Variants in SLC26A11 observed in about 807,000 individuals in gnomAD.
The protein encoded by SLC26A11 is solute carrier family 26 member 11, also known as sodium-independent sulfate anion transporter.
Under a neutral mutation model 62.2 loss-of-function variants are expected in SLC26A11, and 58 were observed. The ratio of observed to expected loss-of-function variants is 0.93; its 90% CI spans 0.76 to 1.16. SLC26A11 has a LOEUF of 1.16. SLC26A11 is among the 50% of genes most tolerant of loss of function. The pLI is 0.00. For missense variants in SLC26A11, 790 were observed against 794.3 expected, an observed-to-expected ratio of 0.99 and a Z score of 0.06; for synonymous variants, 411 against 368.9, an observed-to-expected ratio of 1.11 and a Z score of -1.31.
chr17:80,233,921 C>T (rs943951551), intron 7 of SLC26A11, among the ~76,000 whole-genome samples: 2 of 151,940 alleles, frequency 1.3e-5, no homozygotes, highest in South Asian at 2.1e-4. Flanking sequence ...GTCTATTTTG[C>T]CTTCATTTTT....
intron 7 of SLC26A11, among the ~76,000 whole-genome samples, chr17:80,232,918 CAGTAT>C (rs1325646634): frequency 6.6e-6 from 1 of 152,090 alleles, no homozygotes; most frequent in Non-Finnish European, 1.5e-5. Context: ...TATCTTGCTA[CAGTAT>C]ACATTAAACT....
At chr17:80,241,898 G>A in intron 10 of SLC26A11, 77 bp downstream of exon 10, 3 of 1,472,012 alleles carry the variant, frequency 2.0e-6, no homozygotes, top group Non-Finnish European at 2.9e-6. Flanking sequence ...TGTGTCTCCT[G>A]CATTGTAGGA....
chr17:80,223,482 C>T lies in SLC26A11; in HGVS notation c.513+145C>T. 1 of 739,212 alleles carries T rather than the reference C, an allele frequency of 1.4e-6. No individual in the cohort carries two copies. Among genetic ancestry groups the T allele is most frequent in the East Asian group, 2.7e-5 (1 of 36,740 alleles). The allele number at this position is 739,212 out of a possible 1,614,324, so 45.8% of individuals were successfully genotyped here. A position where few individuals can be genotyped will look rare whatever the true frequency, so the allele number is the denominator to read the frequency against. On this transcript the variant is annotated intron_variant, in intron 5 of 17. Coordinates refer to ENST00000361193, the MANE Select transcript of SLC26A11 (RefSeq NM_001166347.2). This position sits in a 1 kb window ranked among gnomAD's most constrained non-coding sequence, Gnocchi z 4.6. ...AGATTGTCTTCCATGGGTCAAGAAG[C>T]ACGCGGTGCTCTCATGGGTCCCCTG...
chr17:80,248,406 A>C, intron 14 of SLC26A11, 149 bp downstream of exon 14: 1 of 1,321,484 alleles, frequency 7.6e-7, no homozygotes, highest in Non-Finnish European at 1.0e-6. Flanking sequence ...CTTGCTATAA[A>C]CCATGGTGTT....
At chr17:80,247,542 C>T (rs2043040494) in intron 13 of SLC26A11, among the ~76,000 whole-genome samples, 1 of 152,202 alleles carries the variant, frequency 6.6e-6, no homozygotes, top group Admixed American at 6.5e-5. Context: ...TCTGGTTAGC[C>T]CCAGCAAGTT....
At chr17:80,247,788 C>G (rs1435914422) in intron 13 of SLC26A11, among the ~76,000 whole-genome samples, 1 of 152,200 alleles carries the variant, frequency 6.6e-6, no homozygotes, top group Non-Finnish European at 1.5e-5. Context: ...AGGGCACCTT[C>G]TCCTTGGCCA....
chr17:80,245,576 C>T (rs965438742), intron 11 of SLC26A11, among the ~76,000 whole-genome samples: 2 of 152,154 alleles, frequency 1.3e-5, no homozygotes, highest in African/African-American at 4.8e-5. Flanking sequence ...GTGACCGCAC[C>T]GCTGCACTCC....
intron 9 of SLC26A11, among the ~76,000 whole-genome samples, chr17:80,241,094 G>C (rs2042847664): frequency 6.6e-6 from 1 of 152,204 alleles, no homozygotes; most frequent in African/African-American, 2.4e-5. Context: ...GGCAGAACAA[G>C]ATCCTGTACT....
intron 14 of SLC26A11, 105 bp from the exon 15 acceptor site, chr17:80,248,470 C>T: frequency 7.5e-7 from 1 of 1,326,574 alleles, no homozygotes; most frequent in Middle Eastern, 2.5e-4. Flanking sequence ...TCTCCCGGTC[C>T]CCTGCAGCAC....
rs778554491 is a variant in SLC26A11 at position 80,222,774 on chromosome 17, T to C, written c.354T>C (p.His118=). The C allele has an allele frequency of 6.2e-7, 1 of 1,613,834 alleles. No homozygotes were observed. Among genetic ancestry groups the C allele is most frequent in the Admixed American group, 1.7e-5 (1 of 60,020 alleles). ...TCCTGGTCTCCTTCTACACCTTCCATGAGCCCGCCTACGCTGTGCTGCTGG... is the reference window on the plus strand; with the variant it reads ...TCCTGGTCTCCTTCTACACCTTCCACGAGCCCGCCTACGCTGTGCTGCTGG... ...MSLLVSFYTF[H]EPAYAVLLAF... is the part of the protein sequence containing the mutation. Residue 118 remains histidine, a synonymous_variant, in exon 4 of 18, where the codon CAT becomes CAC. Coordinates refer to ENST00000361193, the MANE Select transcript of SLC26A11 (RefSeq NM_001166347.2). This position sits in a 1 kb window ranked among gnomAD's most constrained non-coding sequence, Gnocchi z 4.7.
At chr17:80,231,140 C>G (rs1598806768) in intron 7 of SLC26A11, among the ~76,000 whole-genome samples, 1 of 52,034 alleles carries the variant, frequency 1.9e-5, no homozygotes, top group South Asian at 8.9e-4. Context: ...TTAACTTTAT[C>G]CTTTTTTTTT....
chr17:80,223,804 A>T lies in SLC26A11; in HGVS notation c.513+467A>T, dbSNP rs1183763787. Among the ~76,000 whole-genome samples, 1 of 152,192 alleles carries T rather than the reference A, an allele frequency of 6.6e-6. No individual in the cohort carries two copies. The highest frequency in any genetic ancestry group is 1.5e-5 in the Non-Finnish European group (1 of 68,028). On this transcript the variant is annotated intron_variant, in intron 5 of 17. Coordinates refer to ENST00000361193, the MANE Select transcript of SLC26A11 (RefSeq NM_001166347.2). This position sits in a 1 kb window ranked among gnomAD's most constrained non-coding sequence, Gnocchi z 4.6. ...TTCTGTTTAATATTTTTTAAATGCC[A>T]TGCCTTTTATATTTTCTTTTAAAAC...
chr17:80,221,834 CAG>C, intron 3 of SLC26A11, 40 bp downstream of exon 3: 1 of 1,572,102 alleles, frequency 6.4e-7, no homozygotes. Flanking sequence ...ATCTCAGAAA[CAG>C]TGCAGAATAC....
intron 7 of SLC26A11, among the ~76,000 whole-genome samples, chr17:80,233,269 G>A (rs1038195413): frequency 6.6e-6 from 1 of 150,924 alleles, no homozygotes; most frequent in Non-Finnish European, 1.5e-5. Context: ...GAGTAGCTTG[G>A]TCTACAGGCA....
At chr17:80,248,818 C>A in intron 15 of SLC26A11, 144 bp downstream of exon 15, 1 of 819,668 alleles carries the variant, frequency 1.2e-6, no homozygotes, top group Non-Finnish European at 1.9e-6. Context: ...CTGGACCGTC[C>A]TCTGTGGGCC....
chr17:80,252,537 G>C lies in SLC26A11; in HGVS notation c.1730-88G>C. 7.9e-7 allele frequency: 1 copy of C among 1,273,374 alleles called. No individual in the cohort carries two copies. Among genetic ancestry groups the C allele is most frequent in the Non-Finnish European group, 1.1e-6 (1 of 899,216 alleles). The allele number at this position is 1,273,374 out of a possible 1,614,324, so 78.9% of individuals were successfully genotyped here. A position where few individuals can be genotyped will look rare whatever the true frequency, so the allele number is the denominator to read the frequency against. On this transcript the variant is annotated intron_variant, in intron 17 of 17. Coordinates refer to ENST00000361193, the MANE Select transcript of SLC26A11 (RefSeq NM_001166347.2). This position sits in a 1 kb window ranked among gnomAD's most constrained non-coding sequence, Gnocchi z 5.2. ...TTCCTGCACACCTTCCAGGACTCTG[G>C]AAGGCCCTCCTTAATCCCTTCCTGT...
chr17:80,248,680 T>C lies in SLC26A11; in HGVS notation c.1522+6T>C. 6.4e-7 allele frequency: 1 copy of C among 1,562,044 alleles called. No homozygotes were observed. ...CCTAAGCCGGGCCCTGGAAGGTGCA[T>C]GGGCGGGGGTCAAGGTGGTCTGAGG... On this transcript the variant is annotated splice_donor_region_variant and intron_variant, in intron 15 of 17. Transcript: ENST00000361193.
In SLC26A11 at chr17:80,222,414, C is replaced by T. The variant is rs1004212377; in HGVS notation, c.235-241C>T. ...AAGAATGCTTCCTCAGACTTGGACA[C>T]AGCACACGGGCCTGCACCGACCCCT... On this transcript the variant is annotated intron_variant, in intron 3 of 17. Transcript: ENST00000361193. This position sits in a 1 kb window ranked among gnomAD's most constrained non-coding sequence, Gnocchi z 4.7. The T allele has an allele frequency of 1.1e-5, 5 of 469,680 alleles. No homozygotes were observed. Among genetic ancestry groups the T allele is most frequent in the African/African-American group, 8.0e-5 (4 of 49,954 alleles). The allele number at this position is 469,680 out of a possible 1,614,324, so 29.1% of individuals were successfully genotyped here. A position where few individuals can be genotyped will look rare whatever the true frequency, so the allele number is the denominator to read the frequency against.
chr17:80,236,070 T>C (rs2042681716), intron 7 of SLC26A11, among the ~76,000 whole-genome samples: 1 of 152,212 alleles, frequency 6.6e-6, no homozygotes, highest in South Asian at 2.1e-4. Flanking sequence ...CCCCAGGCCT[T>C]GGGCTAATCT....
Sources: allele counts gnomAD v4.1 joint callset (sites outside exome capture counted in the v4.1 genomes callset), GRCh38; gene constraint gnomAD v4.1.1; non-coding constraint Gnocchi (gnomAD v3.1); transcripts MANE v1.5; gene names NCBI Gene and HGNC (gene_info 2026-07-23, HGNC 2026-07-21).